KANK1: variants seen among roughly 807,000 people sequenced by gnomAD.
The protein encoded by KANK1 is KN motif and ankyrin repeat domains 1, also known as KN motif and ankyrin repeat domain-containing protein 1.
A neutral mutation model predicts 106.2 loss-of-function variants in KANK1; 109 were observed. That is an observed-to-expected ratio of 1.03 (90% CI 0.88 to 1.20). KANK1 has a LOEUF of 1.20. Ranked by LOEUF, KANK1 falls within the 50% of genes most tolerant of loss-of-function variation. The probability of loss-of-function intolerance (pLI) is 0.00; values close to 1 mark genes in which losing one functional copy is unlikely to be tolerated. For missense variants in KANK1, 2,399 were observed against 1,710.7 expected (o/e 1.40, Z -7.10); for synonymous variants, 873 against 652.2 (o/e 1.34, Z -5.16).
chr9:732,869 G>T, intron 6 of KANK1: 1 of 319,390 alleles, frequency 3.1e-6, no homozygotes, highest in South Asian at 1.0e-4. Flanking sequence ...TTTAACATAT[G>T]GAACCACAAT....
At position 744,631 on chromosome 9, in the gene KANK1, C is replaced by T; in HGVS notation, c.3996+42C>T. On this transcript the variant is annotated intron_variant, in intron 11 of 11. Coordinates refer to ENST00000382297, the MANE Select transcript of KANK1 (RefSeq NM_015158.5). ...TGGCATTTGTAAATAGGCTGAAATC[C>T]ACCAGACTGGTGGACCCCCTTCCTC... The T allele has an allele frequency of 6.2e-6, 10 of 1,613,960 alleles. No individual in the cohort carries two copies. The highest frequency in any genetic ancestry group is 8.5e-6 in the Non-Finnish European group (10 of 1,179,938).
At chr9:508,496 A>G (rs2058878425) in intron 1 of KANK1, among the ~76,000 whole-genome samples, 1 of 152,262 alleles carries the variant, frequency 6.6e-6, no homozygotes, top group African/African-American at 2.4e-5. Context: ...ACATAAACAT[A>G]TAACAAGTAC....
chr9:627,079 CAG>C (rs1366647285), intron 1 of KANK1, among the ~76,000 whole-genome samples: 2 of 152,144 alleles, frequency 1.3e-5, no homozygotes, highest in African/African-American at 2.4e-5. Context: ...GGTTGGACAA[CAG>C]AGAATGAACA....
chr9:520,481 G>A (rs767714757), intron 1 of KANK1, among the ~76,000 whole-genome samples: 2 of 151,794 alleles, frequency 1.3e-5, no homozygotes, highest in African/African-American at 4.9e-5. Context: ...GTAGAGAAGT[G>A]TGGTTAATTC....
At chr9:519,513 A>G (rs1233076853) in intron 1 of KANK1, among the ~76,000 whole-genome samples, 2 of 151,748 alleles carry the variant, frequency 1.3e-5, no homozygotes, top group African/African-American at 2.4e-5. Flanking sequence ...TTTTTAAGCA[A>G]TCATTTGTGA....
chr9:641,799 G>A lies in KANK1; in HGVS notation c.-83-35091G>A, dbSNP rs572543578. On this transcript the variant is annotated intron_variant, in intron 1 of 11. Coordinates refer to ENST00000382297, the MANE Select transcript of KANK1 (RefSeq NM_015158.5). ...ATGACAAGGAAATTCATACATTTTG[G>A]TTTTTTAAGGACTACTTTATTAAGG... Among the ~76,000 whole-genome samples the A allele has an allele frequency of 7.6e-4, 116 of 152,224 alleles. 2 individuals are homozygous for A. Among genetic ancestry groups the A allele is most frequent in the African/African-American group, 2.6e-3 (108 of 41,522 alleles).
At chr9:591,154 C>T (rs1029935205) in intron 1 of KANK1, among the ~76,000 whole-genome samples, 1 of 151,658 alleles carries the variant, frequency 6.6e-6, no homozygotes, top group African/African-American at 2.4e-5. Flanking sequence ...CTTGCAGCAA[C>T]GAGATTTTAA....
chr9:632,874 A>G (rs1299607712), intron 1 of KANK1, among the ~76,000 whole-genome samples: 1 of 151,916 alleles, frequency 6.6e-6, no homozygotes, highest in Non-Finnish European at 1.5e-5. Context: ...TTGTAGTCTT[A>G]GTAGACACGG....
At chr9:552,135 G>C (rs1188538976) in intron 1 of KANK1, among the ~76,000 whole-genome samples, 4 of 152,162 alleles carry the variant, frequency 2.6e-5, no homozygotes, top group Admixed American at 2.0e-4. Context: ...AGTGACTTAA[G>C]ACCTGAAGGA....
rs184486275 is a variant in KANK1, at chr9:525,775, C to T, written c.-84+21021C>T. 1.3e-4 allele frequency among the ~76,000 whole-genome samples: 20 copies of T among 151,648 alleles called. 1 individual carries two copies. The highest frequency in any genetic ancestry group is 3.9e-4 in the African/African-American group (16 of 40,978). ...TAGCCCTGTGATATAGGAGAATAAG[C>T]AGCAAAGGTTGGGCTGGTTTCCCTG... is the stretch of plus-strand genomic sequence containing the variant. On this transcript the variant is annotated intron_variant, in intron 1 of 11. Transcript: ENST00000382297.
intron 1 of KANK1, among the ~76,000 whole-genome samples, chr9:609,818 C>G (rs1424942591): frequency 6.6e-6 from 1 of 152,118 alleles, no homozygotes; most frequent in South Asian, 2.1e-4. Flanking sequence ...TTTTCTCAGG[C>G]TACTTTCTAG....
chr9:531,141 T>C (rs1008547814), intron 1 of KANK1, among the ~76,000 whole-genome samples: 1 of 151,992 alleles, frequency 6.6e-6, no homozygotes, highest in Non-Finnish European at 1.5e-5. Flanking sequence ...AAAACAATAG[T>C]GAGAAGTACT....
chr9:581,223 C>T (rs933218530), intron 1 of KANK1, among the ~76,000 whole-genome samples: 7 of 152,140 alleles, frequency 4.6e-5, no homozygotes, highest in African/African-American at 1.7e-4. Context: ...GGGGCTCCCA[C>T]AGTGCAGCGG....
chr9:494,815 AAAT>A (rs1250946469), intron 3 of KANK1, among the ~76,000 whole-genome samples: 1 of 152,194 alleles, frequency 6.6e-6, no homozygotes, highest in Non-Finnish European at 1.5e-5. Context: ...CAGTTTTTCA[AAAT>A]AATAACTGGC....
intron 1 of KANK1, among the ~76,000 whole-genome samples, chr9:533,655 G>A (rs143441385): frequency 3.6e-4 from 55 of 152,322 alleles, no homozygotes; most frequent in African/African-American, 1.3e-3. Context: ...TGGGTGAGAA[G>A]CCAAGGATGA....
chr9:713,305 G>A lies in KANK1; in HGVS notation c.2539G>A (p.Glu847Lys). 1 of 1,614,216 alleles carries A rather than the reference G, an allele frequency of 6.2e-7. No homozygotes were observed. Among genetic ancestry groups the A allele is most frequent in the Non-Finnish European group, 8.5e-7 (1 of 1,180,036 alleles). The change falls in exon 3 of 12, where the codon GAA becomes AAA. Residue 847 changes from glutamate to lysine, a missense_variant. Coordinates refer to ENST00000382297, the MANE Select transcript of KANK1 (RefSeq NM_015158.5). ...QQTLLAENYS[E>K]LAEAFGEPHS... Reference sequence around the variant, plus strand: ...GACACTGCTGGCTGAGAACTACAGTGAACTGGCAGAAGCTTTCGGGGAACC... The same window carrying A: ...GACACTGCTGGCTGAGAACTACAGTAAACTGGCAGAAGCTTTCGGGGAACC...
At chr9:682,853 C>T (rs185097237) in intron 2 of KANK1, among the ~76,000 whole-genome samples, 1 of 152,270 alleles carries the variant, frequency 6.6e-6, no homozygotes, top group Admixed American at 6.5e-5. Flanking sequence ...CCGGGTCAGC[C>T]AGACAGAGCC....
intron 3 of KANK1, among the ~76,000 whole-genome samples, chr9:494,645 C>T (rs142716644): frequency 6.4e-4 from 97 of 152,296 alleles, no homozygotes; most frequent in Admixed American, 1.2e-3. Flanking sequence ...GAGCAATACA[C>T]GTGACAAGCC....
chr9:676,569 C>G (rs1570475), intron 1 of KANK1, among the ~76,000 whole-genome samples: 18 of 152,012 alleles, frequency 1.2e-4, no homozygotes, highest in African/African-American at 4.4e-4. Context: ...AAAAATATTT[C>G]GTAGAGTGCT....
Sources: gnomAD v4.1 joint callset for allele counts (sites outside exome capture counted in the v4.1 genomes callset) on GRCh38, gnomAD v4.1.1 for gene constraint, MANE v1.5 for transcripts, NCBI Gene and HGNC (gene_info 2026-07-23, HGNC 2026-07-21) for gene names.